Variants in WNK1 observed in about 807,000 individuals in gnomAD.
WNK1 encodes the protein WNK lysine deficient protein kinase 1, also known as serine/threonine-protein kinase WNK1.
Under a neutral mutation model 222.8 loss-of-function variants are expected in WNK1, and 38 were observed. The ratio of observed to expected loss-of-function variants is 0.17; its 90% CI spans 0.13 to 0.22. WNK1 has a LOEUF of 0.22. Among genes scored for constraint, WNK1 ranks in the 10% least tolerant of loss-of-function variants. The pLI is 1.00. For synonymous variants in WNK1, 1,090 were observed against 1,092.9 expected, an observed-to-expected ratio of 1.00 and a Z score of 0.05; for missense variants, 2,348 against 2,918.4, an observed-to-expected ratio of 0.80 and a Z score of 4.50.
chr12:857,277 T>C, intron 5 of WNK1, 28 bp downstream of exon 5: 1 of 1,593,520 alleles, frequency 6.3e-7, no homozygotes, highest in South Asian at 1.1e-5. Context: ...ATCTGGGTGA[T>C]ACTTGAACAA....
At chr12:794,503 T>TG (rs1555093450) in intron 1 of WNK1, among the ~76,000 whole-genome samples, 1,634 of 13,774 alleles carry the variant, frequency 0.12, 8 homozygotes, top group Non-Finnish European at 0.16. Flanking sequence ...GTTGGTTGAA[T>TG]TTTTTTTTTT....
At chr12:871,131 C>A in intron 8 of WNK1, 134 bp from the exon 9 acceptor site, 1 of 823,572 alleles carries the variant, frequency 1.2e-6, no homozygotes, top group Non-Finnish European at 2.0e-6. Flanking sequence ...AGGCCTCTCC[C>A]ATACATAATC....
chr12:817,880 A>T (rs1294006862), intron 2 of WNK1, among the ~76,000 whole-genome samples: 2 of 152,112 alleles, frequency 1.3e-5, no homozygotes, highest in African/African-American at 2.4e-5. Flanking sequence ...TTGACCCCGG[A>T]AGTGGAGGTT....
At chr12:904,329 C>A in intron 26 of WNK1, 1 of 625,228 alleles carries the variant, frequency 1.6e-6, no homozygotes, top group Non-Finnish European at 2.6e-6. Context: ...GCTACCAGGT[C>A]CTACCTATCT....
chr12:835,582 G>T (rs762923052), intron 4 of WNK1, among the ~76,000 whole-genome samples: 49 of 152,174 alleles, frequency 3.2e-4, no homozygotes, highest in Non-Finnish European at 6.3e-4. Flanking sequence ...AGGTATTGGG[G>T]ATATACCAAG....
intron 21 of WNK1, 34 bp downstream of exon 21, chr12:889,257 T>C: frequency 6.5e-7 from 1 of 1,543,106 alleles, no homozygotes; most frequent in Non-Finnish European, 9.0e-7. Context: ...AATCTCCTCA[T>C]AACCCTAATA....
rs559358575 is a variant in WNK1, at chr12:832,047, GA to G, written c.1311+1889del. ...TTATTTAGATTTTGATAGCTGAACA[GA>G]ATGGAAATGTTTATTTTTAATTTTT... On this transcript the variant is annotated intron_variant, in intron 4 of 27. Transcript: ENST00000315939. Among the ~76,000 whole-genome samples the G allele has an allele frequency of 7.8e-4, 118 of 152,024 alleles. 1 individual carries two copies. Among genetic ancestry groups the G allele is most frequent in the African/African-American group, 2.7e-3 (114 of 41,512 alleles).
chr12:873,780 G>T (rs748090889), intron 9 of WNK1, among the ~76,000 whole-genome samples: 1 of 152,010 alleles, frequency 6.6e-6, no homozygotes, highest in Non-Finnish European at 1.5e-5. Context: ...TTTGTTTTAC[G>T]TACTTTCAGG....
At chr12:874,311 G>T (rs1468981314) in intron 9 of WNK1, among the ~76,000 whole-genome samples, 2 of 152,190 alleles carry the variant, frequency 1.3e-5, no homozygotes, top group Admixed American at 1.3e-4. Flanking sequence ...TAGTCAGTGG[G>T]ACTGCGCACA....
chr12:887,296 C>G lies in WNK1; in HGVS notation c.5356C>G (p.Leu1786Val). Residue 1786 changes from leucine (L) to valine (V), a missense_variant, in exon 20 of 28, where the codon CTA becomes GTA. Physicochemically the swap from Leu to Val is conservative, Grantham distance 32 (BLOSUM62 1). This residue lies in a region of WNK1 where 1,144 missense variants were observed against 1,273.6 expected (regional missense o/e 0.90). Coordinates refer to ENST00000315939, the MANE Select transcript of WNK1 (RefSeq NM_018979.4). Reference protein sequence around the residue: ...EQLPPFPGPSLTQSQQPLEDL... With the variant: ...EQLPPFPGPSVTQSQQPLEDL... ...GCTGCCACCTTTTCCAGGACCTTCT[C>G]TAACCCAGGTGCCTCAAGACTTGAC... 1 of 1,614,190 alleles carries G rather than the reference C, an allele frequency of 6.2e-7. No homozygotes were observed. Among genetic ancestry groups the G allele is most frequent in the Non-Finnish European group, 8.5e-7 (1 of 1,180,014 alleles).
At chr12:851,410 C>T in intron 4 of WNK1, 1 of 1,080,236 alleles carries the variant, frequency 9.3e-7, no homozygotes, top group Non-Finnish European at 1.1e-6. Context: ...TCCCATTTTG[C>T]TTGTCTAGGA....
chr12:905,061 G>T (rs955595593), intron 26 of WNK1, among the ~76,000 whole-genome samples: 4 of 152,338 alleles, frequency 2.6e-5, no homozygotes, highest in Non-Finnish European at 4.4e-5. Flanking sequence ...GTTATTGTTA[G>T]TAGGATCTGG....
intron 2 of WNK1, among the ~76,000 whole-genome samples, chr12:824,032 G>A (rs774112004): frequency 3.3e-5 from 5 of 150,416 alleles, no homozygotes; most frequent in Admixed American, 6.7e-5. Flanking sequence ...TCAGCCTCCC[G>A]AGTAGCTGGG....
At chr12:784,148 G>C (rs955073676) in intron 1 of WNK1, among the ~76,000 whole-genome samples, 3 of 152,180 alleles carry the variant, frequency 2.0e-5, no homozygotes, top group African/African-American at 7.2e-5. Context: ...TTGAGCCCAG[G>C]AGTTTTGAGA....
chr12:799,491 T>C (rs1276388241), intron 1 of WNK1, among the ~76,000 whole-genome samples: 3 of 152,080 alleles, frequency 2.0e-5, no homozygotes, highest in Admixed American at 6.5e-5. Context: ...TTTTCTCTTC[T>C]TGCTTTATAT....
In WNK1 at chr12:832,375, A is replaced by T. The variant is rs577170004; in HGVS notation, c.1311+2215A>T. ...CAGGCATGAGCCAGAAATGTTTATT[A>T]TTAAAAACTGATAGGAAACATTTTG... On this transcript the variant is annotated intron_variant, in intron 4 of 27. Transcript: ENST00000315939. Among the ~76,000 whole-genome samples the T allele has an allele frequency of 1.2e-4, 18 of 152,312 alleles. 2 individuals are homozygous for T. The South Asian group carries it at 3.7e-3, about 32-fold the overall frequency.
intron 12 of WNK1, 92 bp from the exon 13 acceptor site, chr12:881,600 G>A: frequency 1.0e-6 from 1 of 988,826 alleles, no homozygotes; most frequent in Non-Finnish European, 1.6e-6. Context: ...GACGTAGTGG[G>A]GAGGGATAAG....
intron 2 of WNK1, among the ~76,000 whole-genome samples, chr12:814,549 CA>C (rs1947182160): frequency 1.3e-5 from 2 of 152,090 alleles, no homozygotes; most frequent in African/African-American, 2.4e-5. Context: ...AATTAATCCC[CA>C]AATAGCTAGA....
At position 864,366 on chromosome 12, in the gene WNK1, C is replaced by T. The variant is rs72649804; in HGVS notation, c.2139+2096C>T. On this transcript the variant is annotated intron_variant, in intron 8 of 27. Transcript: ENST00000315939. ...CCTCAAGTGATCCACCTGCCTCGGCCTCCCAAAGTGCCAGGATTACAGGTG... is the reference window on the plus strand; with the variant it reads ...CCTCAAGTGATCCACCTGCCTCGGCTTCCCAAAGTGCCAGGATTACAGGTG... 9.0e-3 allele frequency among the ~76,000 whole-genome samples: 1,363 copies of T among 152,220 alleles called. 11 individuals carry two copies. Among genetic ancestry groups the T allele is most frequent in the Non-Finnish European group, 0.012 (832 of 68,020 alleles).
Sources: gnomAD v4.1 joint callset for allele counts (sites outside exome capture counted in the v4.1 genomes callset) on GRCh38, gnomAD v4.1.1 for gene constraint, gnomAD v4.1.1 regional missense constraint, MANE v1.5 for transcripts, NCBI Gene and HGNC (gene_info 2026-07-23, HGNC 2026-07-21) for gene names.